Variants in HEATR4 observed in about 807,000 individuals in gnomAD.
HEATR4 encodes HEAT repeat-containing protein 4.
A neutral mutation model predicts 108.8 loss-of-function variants in HEATR4; 95 were observed. The ratio of observed to expected loss-of-function variants is 0.87; its 90% CI spans 0.74 to 1.04. HEATR4 has a LOEUF of 1.04. Ranked by LOEUF, HEATR4 falls within the 50% of genes least tolerant of loss-of-function variation. The pLI, the probability that HEATR4 is intolerant of heterozygous loss-of-function variation, is 0.00. For missense variants in HEATR4, 1,152 were observed against 1,253.8 expected, an observed-to-expected ratio of 0.92 and a Z score of 1.23; for synonymous variants, 443 against 459.4, an observed-to-expected ratio of 0.96 and a Z score of 0.46.
At chr14:73,623,566 A>C in the HEATR4 span, among the ~76,000 whole-genome samples, 1 of 152,272 alleles carries the variant, frequency 6.6e-6, no homozygotes, top group Non-Finnish European at 1.5e-5. Context: ...GAGCACCTGT[A>C]GTCCCAGCTA....
chr14:73,617,353 A>T, the HEATR4 span: 6 of 990,334 alleles, frequency 6.1e-6, no homozygotes, highest in Non-Finnish European at 9.2e-6. Flanking sequence ...GGTGATGTGC[A>T]CCTGTAGTCC....
At chr14:73,501,828 A>G (rs1057211808) in intron 11 of HEATR4, among the ~76,000 whole-genome samples, 1 of 151,436 alleles carries the variant, frequency 6.6e-6, no homozygotes, top group African/African-American at 2.4e-5. Context: ...ATCTCCGCTC[A>G]CTGCAAGCTC....
At chr14:73,565,723 A>C in the HEATR4 span, among the ~76,000 whole-genome samples, 1 of 151,808 alleles carries the variant, frequency 6.6e-6, no homozygotes, top group Non-Finnish European at 1.5e-5. Flanking sequence ...CGGTGAGTTC[A>C]TGGTCTCGCT....
chr14:73,592,239 C>T, the HEATR4 span: 2 of 1,613,272 alleles, frequency 1.2e-6, no homozygotes, highest in Non-Finnish European at 1.7e-6. Flanking sequence ...TTGGCGCTTC[C>T]TGAAGCGGGA....
chr14:73,581,709 T>C, the HEATR4 span: 1 of 127,754 alleles, frequency 7.8e-6, no homozygotes, highest in Admixed American at 8.7e-5. Context: ...GCCAAGGTCA[T>C]AGATCCTGCA....
At chr14:73,510,630 T>G (rs1201360542) in intron 7 of HEATR4, among the ~76,000 whole-genome samples, 1 of 152,090 alleles carries the variant, frequency 6.6e-6, no homozygotes, top group African/African-American at 2.4e-5. Context: ...GAGATGAGGT[T>G]TCACCATGTT....
the HEATR4 span, chr14:73,569,942 C>A: frequency 1.3e-6 from 2 of 1,535,884 alleles, no homozygotes; most frequent in Non-Finnish European, 8.7e-7. Context: ...TGTGTCTCCC[C>A]CGCCCCACGC....
chr14:73,534,654 A>C lies in HEATR4; in HGVS notation c.-151-4410T>G, dbSNP rs1403225368. Among the ~76,000 whole-genome samples, 9 of 113,780 alleles carry C rather than the reference A, an allele frequency of 7.9e-5. 3 individuals are homozygous for C. Among genetic ancestry groups the C allele is most frequent in the Non-Finnish European group, 1.3e-4 (7 of 52,440 alleles). The allele number at this position is 113,780 out of a possible 152,430, so 74.6% of individuals were successfully genotyped here. ...CAGTGAGCTATGATCGCACCACTGC[A>C]CTCCAGCCTGGGTAACACAGTGAGA... On this transcript the variant is annotated intron_variant, in intron 1 of 17. Coordinates refer to ENST00000553558, the MANE Select transcript of HEATR4 (RefSeq NM_001220484.1).
chr14:73,569,346 T>G, the HEATR4 span: 6 of 1,613,860 alleles, frequency 3.7e-6, no homozygotes, highest in African/African-American at 8.0e-5. Flanking sequence ...GCTGTACCAA[T>G]GGAGCCTGAA....
the HEATR4 span, chr14:73,567,996 G>A: frequency 6.6e-6 from 1 of 152,074 alleles, no homozygotes; most frequent in African/African-American, 2.4e-5. Flanking sequence ...TCACTGCGAG[G>A]GTCTGCGGCT....
the HEATR4 span, among the ~76,000 whole-genome samples, chr14:73,576,470 T>C: frequency 1.3e-5 from 2 of 151,926 alleles, no homozygotes; most frequent in Non-Finnish European, 2.9e-5. Flanking sequence ...TTGAGATGAA[T>C]TACATAAGTG....
intron 8 of HEATR4, among the ~76,000 whole-genome samples, 193 bp downstream of exon 8, chr14:73,509,119 G>A (rs1407846722): frequency 1.3e-5 from 2 of 152,034 alleles, no homozygotes; most frequent in African/African-American, 4.8e-5. Flanking sequence ...CTGTCGCCTT[G>A]GCCTCCCAAA....
the HEATR4 span, among the ~76,000 whole-genome samples, chr14:73,566,433 G>C: frequency 6.6e-6 from 1 of 152,096 alleles, no homozygotes; most frequent in Non-Finnish European, 1.5e-5. Context: ...CACGGAGGCG[G>C]GGGGAGGCTC....
chr14:73,598,008 G>A, the HEATR4 span, among the ~76,000 whole-genome samples: 1 of 151,624 alleles, frequency 6.6e-6, no homozygotes, highest in Non-Finnish European at 1.5e-5. Context: ...ACAGGTGTGA[G>A]CCACTGCACC....
intron 4 of HEATR4, 40 bp downstream of exon 4, chr14:73,520,812 G>T: frequency 6.4e-7 from 1 of 1,562,888 alleles, no homozygotes; most frequent in Non-Finnish European, 8.8e-7. Context: ...CCTGGCCCAT[G>T]TCCCCGTGTG....
At chr14:73,517,232 G>C (rs1326245313) in intron 5 of HEATR4, 1 of 152,240 alleles carries the variant, frequency 6.6e-6, no homozygotes, top group African/African-American at 2.4e-5. Context: ...ACTAAGTTTT[G>C]TATTTTTTTG....
chr14:73,511,134 A>G (rs544671524), intron 7 of HEATR4, among the ~76,000 whole-genome samples: 11 of 152,312 alleles, frequency 7.2e-5, no homozygotes, highest in Admixed American at 5.2e-4. Flanking sequence ...GTCTACCACT[A>G]GTCTCATTTT....
rs115567526 is a variant in HEATR4 at position 73,539,452 on chromosome 14, G to A, written c.-151-9208C>T. On this transcript the variant is annotated intron_variant, in intron 1 of 17. Coordinates refer to ENST00000553558, the MANE Select transcript of HEATR4 (RefSeq NM_001220484.1). Reference sequence around the variant, plus strand: ...GACTCCAGGTGCTGCTCTACCCAGCGGTGCTTCTCACCCACACAGTGGTCA... The same window carrying A: ...GACTCCAGGTGCTGCTCTACCCAGCAGTGCTTCTCACCCACACAGTGGTCA... 8.6e-3 allele frequency: 1,048 copies of A among 121,586 alleles called. 226 individuals carry two copies. Among genetic ancestry groups the A allele is most frequent in the African/African-American group, 0.027 (981 of 35,976 alleles). The allele number at this position is 121,586 out of a possible 1,614,324, so 7.5% of individuals were successfully genotyped here. A position where few individuals can be genotyped will look rare whatever the true frequency, so the allele number is the denominator to read the frequency against.
At chr14:73,595,801 TGTC>T in the HEATR4 span, 2 of 1,028,922 alleles carry the variant, frequency 1.9e-6, no homozygotes, top group Non-Finnish European at 1.3e-6. Flanking sequence ...GAATAAGCTT[TGTC>T]GTTAGTTTTA....
Sources: gnomAD v4.1 joint callset for allele counts (sites outside exome capture counted in the v4.1 genomes callset) on GRCh38, gnomAD v4.1.1 for gene constraint, MANE v1.5 for transcripts, NCBI Gene and HGNC (gene_info 2026-07-23, HGNC 2026-07-21) for gene names.